NRXN3: variants seen among roughly 807,000 people sequenced by gnomAD.
The protein encoded by NRXN3 is neurexin 3, also known as neurexin III.
A neutral mutation model predicts 137.6 loss-of-function variants in NRXN3; 32 were observed. The observed-to-expected ratio is 0.23, with a 90% CI of 0.18 to 0.31. NRXN3 has a LOEUF of 0.31. Among genes scored for constraint, NRXN3 ranks in the 10% least tolerant of loss-of-function variants. NRXN3 has a pLI of 1.00. For synonymous variants in NRXN3, 798 were observed against 784.5 expected (o/e 1.02, Z -0.29); for missense variants, 1,574 against 2,062.5 (o/e 0.76, Z 4.59).
At chr14:78,520,927 T>C (rs1187821881) in intron 4 of NRXN3, among the ~76,000 whole-genome samples, 1 of 152,166 alleles carries the variant, frequency 6.6e-6, no homozygotes, top group East Asian at 1.9e-4. Context: ...TCTTTCTTTT[T>C]AAAAAATAGC....
At chr14:79,705,908 G>T (rs2098776484) in intron 19 of NRXN3, among the ~76,000 whole-genome samples, 1 of 152,030 alleles carries the variant, frequency 6.6e-6, no homozygotes, top group Non-Finnish European at 1.5e-5. Context: ...TTTATTTTAG[G>T]CACTAAAATA....
At chr14:79,288,005 T>A (rs937270650) in intron 15 of NRXN3, among the ~76,000 whole-genome samples, 1 of 152,234 alleles carries the variant, frequency 6.6e-6, no homozygotes, top group African/African-American at 2.4e-5. Context: ...TGGAACTGCA[T>A]GAGTCTCTGA....
Position 78,436,865 on chromosome 14 carries a change from G to A in NRXN3, c.757+139005G>A, listed in dbSNP as rs76018443. ...TCATTTATTTAGCTCTTATGTGCAG[G>A]GCAACATGCTCAGTGCTTCCTGTGG... On this transcript the variant is annotated intron_variant, in intron 4 of 20. Transcript: ENST00000335750. 7.7e-3 allele frequency among the ~76,000 whole-genome samples: 1,167 copies of A among 152,164 alleles called. 6 individuals are homozygous for A. Among genetic ancestry groups the A allele is most frequent in the Non-Finnish European group, 0.011 (771 of 68,002 alleles).
intron 19 of NRXN3, among the ~76,000 whole-genome samples, chr14:79,770,306 A>G (rs2139746146): frequency 6.6e-6 from 1 of 152,202 alleles, no homozygotes; most frequent in Middle Eastern, 3.4e-3. Flanking sequence ...TCCACCCCAA[A>G]TCAACAGACT....
intron 15 of NRXN3, among the ~76,000 whole-genome samples, chr14:79,249,953 T>C (rs2075708765): frequency 6.6e-6 from 1 of 152,242 alleles, no homozygotes; most frequent in African/African-American, 2.4e-5. Flanking sequence ...ATTAATGTTC[T>C]TATGCTAACA....
chr14:78,957,459 AG>A, intron 11 of NRXN3, 98 bp downstream of exon 11: 1 of 1,361,724 alleles, frequency 7.3e-7, no homozygotes, highest in Non-Finnish European at 1.0e-6. Flanking sequence ...TATTTTGCAT[AG>A]TAGAAGTCAC....
intron 4 of NRXN3, among the ~76,000 whole-genome samples, chr14:78,456,853 C>CTTTCTTTCTTTCT (rs1415027844): frequency 7.0e-5 from 9 of 128,786 alleles, no homozygotes; most frequent in Non-Finnish European, 1.6e-4. Flanking sequence ...TTCTTTCTTT[C>CTTTCTTTCTTTCT]TTTTTCTCTT....
chr14:78,889,516 G>A (rs1445283005), intron 10 of NRXN3, among the ~76,000 whole-genome samples: 1 of 151,948 alleles, frequency 6.6e-6, no homozygotes, highest in Admixed American at 6.6e-5. Context: ...CTACCTCTCA[G>A]TTTTCTGAAT....
intron 15 of NRXN3, among the ~76,000 whole-genome samples, chr14:79,294,673 C>T (rs2153464526): frequency 6.6e-6 from 1 of 152,216 alleles, no homozygotes; most frequent in Non-Finnish European, 1.5e-5. Context: ...TACAGAATTT[C>T]TGGGTTCTTC....
chr14:79,568,873 T>C (rs890732682), intron 16 of NRXN3, among the ~76,000 whole-genome samples: 6 of 152,126 alleles, frequency 3.9e-5, no homozygotes, highest in African/African-American at 7.2e-5. Context: ...CAGAAGAACA[T>C]TGGCTAATAA....
intron 6 of NRXN3, among the ~76,000 whole-genome samples, chr14:78,677,074 T>C (rs1212125454): frequency 1.3e-5 from 2 of 152,180 alleles, no homozygotes; most frequent in African/African-American, 4.8e-5. Flanking sequence ...AAGATTAATA[T>C]TTTTATGCCT....
intron 15 of NRXN3, among the ~76,000 whole-genome samples, chr14:79,453,285 G>A (rs772576307): frequency 1.3e-5 from 2 of 152,032 alleles, no homozygotes; most frequent in Admixed American, 1.3e-4. Context: ...CAGCCTGGAC[G>A]ACAGAACGAG....
intron 4 of NRXN3, among the ~76,000 whole-genome samples, chr14:78,611,697 T>C (rs967578207): frequency 6.6e-6 from 1 of 152,164 alleles, no homozygotes; most frequent in Non-Finnish European, 1.5e-5. Flanking sequence ...TTCTAGCCCC[T>C]AGACAGGACT....
At position 79,430,918 on chromosome 14, in the gene NRXN3, A is replaced by C. The variant is rs77797515; in HGVS notation, c.3263-36303A>C. 4.1e-3 allele frequency among the ~76,000 whole-genome samples: 623 copies of C among 152,276 alleles called. 3 individuals carry two copies. Among genetic ancestry groups the C allele is most frequent in the Middle Eastern group, 0.017 (5 of 294 alleles). On this transcript the variant is annotated intron_variant, in intron 15 of 20. Coordinates refer to ENST00000335750, the MANE Select transcript of NRXN3 (RefSeq NM_001330195.2). ...GATTCTGCTGCTTTTATTTTTGAGAATCATTTTAACTTACAAACACATATT... is the reference window on the plus strand; with the variant it reads ...GATTCTGCTGCTTTTATTTTTGAGACTCATTTTAACTTACAAACACATATT...
intron 15 of NRXN3, among the ~76,000 whole-genome samples, chr14:79,399,716 C>T (rs925827294): frequency 1.3e-5 from 2 of 152,234 alleles, no homozygotes; most frequent in Admixed American, 6.5e-5. Flanking sequence ...ATAATATGAC[C>T]ACTTACATTA....
At chr14:79,015,906 C>T (rs2099578396) in intron 15 of NRXN3, among the ~76,000 whole-genome samples, 1 of 152,126 alleles carries the variant, frequency 6.6e-6, no homozygotes, top group Non-Finnish European at 1.5e-5. Flanking sequence ...GTACGATTGG[C>T]TGCCTTGTCC....
intron 10 of NRXN3, among the ~76,000 whole-genome samples, chr14:78,908,605 T>G (rs75604890): frequency 0.015 from 2,288 of 152,178 alleles, 56 homozygotes; most frequent in African/African-American, 0.052. Context: ...TGAAAAAAAC[T>G]GGGCATCACT....
rs371263343 is a variant in NRXN3 at position 79,643,045 on chromosome 14, G to A, written c.3445-20733G>A. Among the ~76,000 whole-genome samples the A allele has an allele frequency of 7.4e-5, 10 of 135,590 alleles. 1 individual carries two copies. The South Asian group carries it at 1.8e-3, about 25-fold the overall frequency. 89.0% of individuals were successfully genotyped at this position (135,590 alleles called of 152,430 possible). A position where few individuals can be genotyped will look rare whatever the true frequency, so the allele number is the denominator to read the frequency against. ...ATTTCACTAGCCATCATATGATTTA[G>A]CTTCTGAAGCAGCTTGCTGCTCTGT... is the stretch of plus-strand genomic sequence containing the variant. On this transcript the variant is annotated intron_variant, in intron 16 of 20. Coordinates refer to ENST00000335750, the MANE Select transcript of NRXN3 (RefSeq NM_001330195.2).
intron 16 of NRXN3, among the ~76,000 whole-genome samples, chr14:79,512,366 G>A (rs997103259): frequency 2.0e-5 from 3 of 152,118 alleles, no homozygotes; most frequent in African/African-American, 7.2e-5. Flanking sequence ...GGAGATAATT[G>A]TAGGACCTCC....
Sources: gnomAD v4.1 joint callset for allele counts (sites outside exome capture counted in the v4.1 genomes callset) on GRCh38, gnomAD v4.1.1 for gene constraint, MANE v1.5 for transcripts, NCBI Gene and HGNC (gene_info 2026-07-23, HGNC 2026-07-21) for gene names.